The following CCSER1 variants were observed in gnomAD, a reference collection of about 807,000 sequenced individuals.
CCSER1 encodes coiled-coil serine rich protein 1, also known as serine-rich coiled-coil domain-containing protein 1.
In CCSER1, 41 loss-of-function variants were observed where a neutral mutation model predicts 82.0. That is an observed-to-expected ratio of 0.50 (90% CI 0.39 to 0.65). The LOEUF (loss-of-function observed/expected upper bound fraction) is 0.65. Ranked by LOEUF, CCSER1 falls within the 30% of genes least tolerant of loss-of-function variation. The pLI, the probability that CCSER1 is intolerant of heterozygous loss-of-function variation, is 0.00. For missense variants in CCSER1, 1,119 were observed against 1,064.2 expected, an observed-to-expected ratio of 1.05 and a Z score of -0.72; for synonymous variants, 414 against 383.9, an observed-to-expected ratio of 1.08 and a Z score of -0.92.
chr4:91,354,687 T>A (rs1424352429), intron 10 of CCSER1, among the ~76,000 whole-genome samples: 1 of 152,174 alleles, frequency 6.6e-6, no homozygotes, highest in South Asian at 2.1e-4. Context: ...TATGTCAGGG[T>A]GGTTCTTTTG....
At chr4:90,458,361 T>TC (rs1290336676) in intron 4 of CCSER1, among the ~76,000 whole-genome samples, 1 of 150,668 alleles carries the variant, frequency 6.6e-6, no homozygotes, top group East Asian at 1.9e-4. Context: ...CACAATAAGT[T>TC]TTTTTTTTTT....
At chr4:90,920,477 C>T (rs1453088079) in intron 8 of CCSER1, among the ~76,000 whole-genome samples, 3 of 151,928 alleles carry the variant, frequency 2.0e-5, no homozygotes, top group Admixed American at 6.6e-5. Flanking sequence ...ATATCTTTGT[C>T]ATAGTCTCTC....
chr4:91,316,088 C>T (rs568425626), intron 10 of CCSER1, among the ~76,000 whole-genome samples: 10 of 152,042 alleles, frequency 6.6e-5, no homozygotes, highest in African/African-American at 1.4e-4. Context: ...TCTTGCCTGC[C>T]GCCATGTAGG....
intron 10 of CCSER1, among the ~76,000 whole-genome samples, chr4:91,214,848 T>G (rs1737119599): frequency 6.6e-6 from 1 of 152,178 alleles, no homozygotes; most frequent in South Asian, 2.1e-4. Flanking sequence ...TCATGTCAAT[T>G]AAATCCTTTT....
At chr4:91,551,437 T>G (rs1056884016) in intron 10 of CCSER1, among the ~76,000 whole-genome samples, 2 of 152,090 alleles carry the variant, frequency 1.3e-5, no homozygotes, top group Admixed American at 6.6e-5. Context: ...AAAACCTCAT[T>G]GAAGAGCCGT....
intron 10 of CCSER1, among the ~76,000 whole-genome samples, chr4:91,288,729 A>T (rs1743513966): frequency 6.6e-6 from 1 of 152,038 alleles, no homozygotes; most frequent in Admixed American, 6.6e-5. Context: ...AGTCACTCTT[A>T]GGACCCTGGT....
At chr4:91,108,463 GA>G (rs1376765315) in intron 10 of CCSER1, among the ~76,000 whole-genome samples, 14 of 152,108 alleles carry the variant, frequency 9.2e-5, no homozygotes, top group African/African-American at 3.4e-4. Flanking sequence ...GCAAGTTAAT[GA>G]AATACAGCAA....
rs1736112190 is a variant in CCSER1, at chr4:90,193,879, A to C, written c.-42+66048A>C. Reference sequence around the variant, plus strand: ...GAAGCTAAAGGTAAAAATATGCACTAGAAATTTTGAAATCGGGGACTTTGA... The same window carrying C: ...GAAGCTAAAGGTAAAAATATGCACTCGAAATTTTGAAATCGGGGACTTTGA... On this transcript the variant is annotated intron_variant, in intron 1 of 10. Transcript: ENST00000509176. Among the ~76,000 whole-genome samples the C allele has an allele frequency of 2.6e-5, 4 of 152,128 alleles. No individual in the cohort carries two copies. The South Asian group carries it at 6.2e-4, about 24-fold the overall frequency.
intron 10 of CCSER1, among the ~76,000 whole-genome samples, chr4:91,484,942 A>C (rs1227998268): frequency 6.6e-6 from 1 of 152,108 alleles, no homozygotes; most frequent in African/African-American, 2.4e-5. Flanking sequence ...AATATATTTG[A>C]ATTTCTTTAG....
At chr4:90,803,262 T>G (rs1757056700) in intron 7 of CCSER1, among the ~76,000 whole-genome samples, 1 of 152,216 alleles carries the variant, frequency 6.6e-6, no homozygotes, top group East Asian at 1.9e-4. Context: ...GTGCAGAACA[T>G]GCAGTTTTCT....
Position 91,386,518 on chromosome 4 carries a change from C to G in CCSER1, c.2218-212054C>G, listed in dbSNP as rs139380432. The stretch of plus-strand genomic sequence containing the variant: ...TGGTACTAGAGTTGGAAAATCATCA[C>G]TTTGCAACCACCATAATAAAGGTTA... On this transcript the variant is annotated intron_variant, in intron 10 of 10. Coordinates refer to ENST00000509176, the MANE Select transcript of CCSER1 (RefSeq NM_001145065.2). Among the ~76,000 whole-genome samples, 318 of 151,668 alleles carry G rather than the reference C, an allele frequency of 2.1e-3. 2 individuals are homozygous for G. The highest frequency in any genetic ancestry group is 0.021 in the Middle Eastern group (6 of 292).
At chr4:90,307,208 C>T (rs547948420) in intron 1 of CCSER1, among the ~76,000 whole-genome samples, 1 of 152,114 alleles carries the variant, frequency 6.6e-6, no homozygotes, top group Admixed American at 6.5e-5. Flanking sequence ...TTGTAGCTGC[C>T]ACATCTCCTC....
chr4:91,129,617 G>A (rs1353842949), intron 10 of CCSER1, among the ~76,000 whole-genome samples: 1 of 151,934 alleles, frequency 6.6e-6, no homozygotes, highest in Non-Finnish European at 1.5e-5. Context: ...AGAGAGAGAC[G>A]AGTTAAAGAA....
intron 1 of CCSER1, among the ~76,000 whole-genome samples, chr4:90,299,622 G>A (rs1732708605): frequency 6.6e-6 from 1 of 151,988 alleles, no homozygotes; most frequent in Non-Finnish European, 1.5e-5. Flanking sequence ...CGTCATTGTT[G>A]TGGGAGTCAT....
chr4:91,107,643 T>C (rs868530626), intron 10 of CCSER1, among the ~76,000 whole-genome samples: 187 of 148,598 alleles, frequency 1.3e-3, no homozygotes, highest in Non-Finnish European at 1.8e-3. Flanking sequence ...TTTTCTCTTT[T>C]TTTTTTTTTT....
chr4:91,095,506 C>T (rs1724418279), intron 10 of CCSER1, among the ~76,000 whole-genome samples: 1 of 152,130 alleles, frequency 6.6e-6, no homozygotes, highest in Non-Finnish European at 1.5e-5. Context: ...AATACTTGAT[C>T]AGCTATCTCC....
At chr4:90,520,325 G>T (rs1180376315) in intron 5 of CCSER1, among the ~76,000 whole-genome samples, 1 of 151,752 alleles carries the variant, frequency 6.6e-6, no homozygotes, top group Non-Finnish European at 1.5e-5. Context: ...TAAGAAAATA[G>T]ATATTCTTTT....
intron 6 of CCSER1, among the ~76,000 whole-genome samples, chr4:90,651,556 G>A (rs775424241): frequency 2.9e-4 from 44 of 152,274 alleles, no homozygotes; most frequent in Non-Finnish European, 5.0e-4. Context: ...GGGGATAGGG[G>A]AGGGATAGCA....
chr4:90,779,714 TA>T (rs777603439), intron 7 of CCSER1, among the ~76,000 whole-genome samples: 42 of 152,222 alleles, frequency 2.8e-4, no homozygotes, highest in Non-Finnish European at 3.7e-4. Flanking sequence ...AAATACCTGA[TA>T]TTTTTTTGAA....
Sources: allele counts gnomAD v4.1 joint callset (sites outside exome capture counted in the v4.1 genomes callset), GRCh38; gene constraint gnomAD v4.1.1; transcripts MANE v1.5; gene names NCBI Gene and HGNC (gene_info 2026-07-23, HGNC 2026-07-21).